SYT9: variants seen among roughly 807,000 people sequenced by gnomAD.
SYT9 encodes synaptotagmin-9.
Under a neutral mutation model 48.4 loss-of-function variants are expected in SYT9, and 22 were observed. The observed-to-expected ratio is 0.45, with a 90% confidence interval of 0.32 to 0.65. The LOEUF (loss-of-function observed/expected upper bound fraction) is 0.65. Among genes scored for constraint, SYT9 ranks in the 30% least tolerant of loss-of-function variants. The pLI is 0.03. For synonymous variants in SYT9, 265 were observed against 245.0 expected (o/e 1.08, Z -0.76); for missense variants, 577 against 622.0 (o/e 0.93, Z 0.77).
At chr11:7,336,472 G>T (rs1037990703) in intron 3 of SYT9, among the ~76,000 whole-genome samples, 2 of 152,004 alleles carry the variant, frequency 1.3e-5, no homozygotes, top group African/African-American at 4.8e-5. Context: ...TATAGTTTTG[G>T]GGTTTACATT....
At chr11:7,329,387 C>T (rs1425772044) in intron 3 of SYT9, among the ~76,000 whole-genome samples, 4 of 152,078 alleles carry the variant, frequency 2.6e-5, no homozygotes, top group East Asian at 3.8e-4. Context: ...AAACTTTGTT[C>T]ATTTGTATAA....
intron 6 of SYT9, among the ~76,000 whole-genome samples, chr11:7,445,250 T>C (rs79246029): frequency 2.2e-3 from 330 of 152,324 alleles, no homozygotes; most frequent in African/African-American, 7.6e-3. Context: ...TCAACATACA[T>C]GTATGTACAA....
intron 2 of SYT9, among the ~76,000 whole-genome samples, chr11:7,307,031 T>C (rs1849045392): frequency 6.6e-6 from 1 of 152,228 alleles, no homozygotes; most frequent in South Asian, 2.1e-4. Context: ...AAGTATAAAC[T>C]GAGCAGAGCC....
intron 6 of SYT9, among the ~76,000 whole-genome samples, chr11:7,450,094 C>T (rs1473682049): frequency 2.0e-5 from 3 of 152,234 alleles, no homozygotes; most frequent in Non-Finnish European, 4.4e-5. Context: ...CAGTGCTGTA[C>T]AGGCATCCCC....
chr11:7,306,432 G>T (rs1166219867), intron 2 of SYT9, among the ~76,000 whole-genome samples: 1 of 152,164 alleles, frequency 6.6e-6, no homozygotes, highest in African/African-American at 2.4e-5. Context: ...GCCACAGTCT[G>T]CTTCCAACAG....
At chr11:7,453,881 C>A in intron 6 of SYT9, 1 of 532,098 alleles carries the variant, frequency 1.9e-6, no homozygotes, top group Non-Finnish European at 2.4e-6. Flanking sequence ...CAGGCCAGGG[C>A]GCAGAGGGCA....
At chr11:7,396,083 A>G (rs557449866) in intron 3 of SYT9, among the ~76,000 whole-genome samples, 2 of 152,174 alleles carry the variant, frequency 1.3e-5, no homozygotes, top group East Asian at 1.9e-4. Context: ...TAGTCCCTTT[A>G]TTAGTATTTA....
chr11:7,311,682 A>T (rs1269420367), intron 2 of SYT9, among the ~76,000 whole-genome samples: 3 of 152,214 alleles, frequency 2.0e-5, no homozygotes, highest in African/African-American at 7.2e-5. Context: ...TTTTTTGAAG[A>T]AAAAATGTTT....
At chr11:7,407,774 G>A (rs2134085045) in intron 3 of SYT9, among the ~76,000 whole-genome samples, 1 of 152,106 alleles carries the variant, frequency 6.6e-6, no homozygotes, top group Non-Finnish European at 1.5e-5. Context: ...AATTTTCCCA[G>A]CACCATTTAT....
intron 3 of SYT9, among the ~76,000 whole-genome samples, chr11:7,338,212 C>T (rs1161024818): frequency 1.3e-5 from 2 of 152,070 alleles, no homozygotes; most frequent in African/African-American, 4.8e-5. Flanking sequence ...GTTACATCTC[C>T]TTTGTCATTT....
At chr11:7,343,608 C>T in intron 3 of SYT9, among the ~76,000 whole-genome samples, 1 of 152,236 alleles carries the variant, frequency 6.6e-6, no homozygotes, top group East Asian at 1.9e-4. Context: ...AACTTTCCCA[C>T]ATTTTCCTGT....
intron 1 of SYT9, among the ~76,000 whole-genome samples, chr11:7,254,023 G>A (rs1234298779): frequency 6.6e-6 from 1 of 152,080 alleles, no homozygotes; most frequent in African/African-American, 2.4e-5. Context: ...ACATCTTTTT[G>A]GCCAGTTTTC....
chr11:7,326,531 T>C (rs1320403561), intron 3 of SYT9, among the ~76,000 whole-genome samples: 1 of 151,680 alleles, frequency 6.6e-6, no homozygotes, highest in Non-Finnish European at 1.5e-5. Context: ...TTGCTAGCGG[T>C]CTATCAATTT....
At chr11:7,401,331 A>G (rs1354120842) in intron 3 of SYT9, among the ~76,000 whole-genome samples, 2 of 150,666 alleles carry the variant, frequency 1.3e-5, no homozygotes, top group African/African-American at 4.9e-5. Context: ...CATATATATC[A>G]TATATAATGC....
intron 4 of SYT9, among the ~76,000 whole-genome samples, chr11:7,416,747 T>C (rs544653916): frequency 1.2e-4 from 19 of 152,292 alleles, no homozygotes; most frequent in African/African-American, 4.3e-4. Context: ...TTCCTATCTG[T>C]GAAGGGTCCT....
chr11:7,298,862 C>T (rs1240841872), intron 1 of SYT9, among the ~76,000 whole-genome samples: 2 of 152,124 alleles, frequency 1.3e-5, no homozygotes, highest in Non-Finnish European at 2.9e-5. Context: ...GCCACATCTT[C>T]CCTGGGAAGA....
chr11:7,410,959 A>G (rs1847126792), intron 3 of SYT9, among the ~76,000 whole-genome samples: 1 of 151,998 alleles, frequency 6.6e-6, no homozygotes, highest in Non-Finnish European at 1.5e-5. Context: ...GGTTCAAGTG[A>G]TTCTCCTGCC....
chr11:7,246,144 A>T (rs539208274), intron 1 of SYT9, among the ~76,000 whole-genome samples: 79 of 152,258 alleles, frequency 5.2e-4, no homozygotes, highest in African/African-American at 1.8e-3. Flanking sequence ...AAACTTCCTA[A>T]CCAGGGCACC....
At chr11:7,428,664 G>T (rs1247193416) in intron 6 of SYT9, among the ~76,000 whole-genome samples, 3 of 152,186 alleles carry the variant, frequency 2.0e-5, no homozygotes, top group Admixed American at 1.3e-4. Context: ...CTATTGATAA[G>T]ACAAAGCTGA....
Sources: allele counts gnomAD v4.1 joint callset (sites outside exome capture counted in the v4.1 genomes callset), GRCh38; gene constraint gnomAD v4.1.1; transcripts MANE v1.5; gene names NCBI Gene and HGNC (gene_info 2026-07-23, HGNC 2026-07-21).